The following MITF variants were observed in gnomAD, a reference collection of about 807,000 sequenced individuals.
MITF encodes the protein melanocyte inducing transcription factor, also known as microphthalmia-associated transcription factor.
MITF carries 17 observed loss-of-function variants against 60.5 expected under a neutral mutation model. The ratio of observed to expected loss-of-function variants is 0.28; its 90% CI spans 0.19 to 0.42. MITF has a LOEUF of 0.42. Among genes scored for constraint, MITF ranks in the 10% least tolerant of loss-of-function variants. The pLI, the probability that MITF is intolerant of heterozygous loss-of-function variation, is 1.00. For missense variants in MITF, 622 were observed against 683.5 expected (o/e 0.91, Z 1.00); for synonymous variants, 260 against 248.5 (o/e 1.05, Z -0.43).
At chr3:69,756,981 GT>G (rs539985866) in intron 1 of MITF, among the ~76,000 whole-genome samples, 4 of 151,974 alleles carry the variant, frequency 2.6e-5, no homozygotes, top group Admixed American at 6.6e-5. Flanking sequence ...TGGTGGGGTT[GT>G]TTTTTTTCCT....
intron 1 of MITF, among the ~76,000 whole-genome samples, chr3:69,807,532 A>G (rs1419663620): frequency 3.9e-5 from 6 of 152,236 alleles, no homozygotes; most frequent in Non-Finnish European, 7.3e-5. Context: ...ATGAATGGAA[A>G]TGTAATTTCA....
At chr3:69,913,919 A>G (rs72950058) in intron 2 of MITF, among the ~76,000 whole-genome samples, 1,853 of 152,266 alleles carry the variant, frequency 0.012, 36 homozygotes, top group African/African-American at 0.041. Flanking sequence ...GGATTATGGC[A>G]CTTCAAATGA....
chr3:69,940,938 C>T (rs2065953960), intron 4 of MITF, among the ~76,000 whole-genome samples: 1 of 152,164 alleles, frequency 6.6e-6, no homozygotes, highest in Non-Finnish European at 1.5e-5. Context: ...TGCCATGATA[C>T]GGTTTTCGTT....
intron 1 of MITF, among the ~76,000 whole-genome samples, chr3:69,801,966 A>C (rs1398000877): frequency 6.6e-6 from 1 of 152,172 alleles, no homozygotes; most frequent in Admixed American, 6.5e-5. Flanking sequence ...TAGGCCCTCA[A>C]TAAACATGGG....
intron 2 of MITF, among the ~76,000 whole-genome samples, chr3:69,888,603 T>C (rs1161351790): frequency 6.6e-6 from 1 of 152,070 alleles, no homozygotes; most frequent in Non-Finnish European, 1.5e-5. Context: ...TGTTGGTAAT[T>C]AGTCCTGCCT....
chr3:69,756,293 C>T (rs1704145174), intron 1 of MITF, among the ~76,000 whole-genome samples: 1 of 152,102 alleles, frequency 6.6e-6, no homozygotes, highest in African/African-American at 2.4e-5. Context: ...TGCCCCACAA[C>T]CCCCGACAGG....
chr3:69,796,664 G>A (rs1365351626), intron 1 of MITF, among the ~76,000 whole-genome samples: 10 of 150,654 alleles, frequency 6.6e-5, no homozygotes, highest in African/African-American at 2.2e-4. Flanking sequence ...CCGCCACCGC[G>A]CCCGGCTAAT....
At chr3:69,961,994 G>C (rs2066561847) in intron 9 of MITF, among the ~76,000 whole-genome samples, 1 of 152,226 alleles carries the variant, frequency 6.6e-6, no homozygotes, top group Non-Finnish European at 1.5e-5. Context: ...AAAGCTCTGT[G>C]ATGCAATTAA....
At chr3:69,758,975 AAGTT>A (rs1165227839) in intron 1 of MITF, among the ~76,000 whole-genome samples, 2 of 152,200 alleles carry the variant, frequency 1.3e-5, no homozygotes, top group African/African-American at 4.8e-5. Flanking sequence ...TCTCAATACA[AAGTT>A]AGTAGGGGTG....
At chr3:69,933,134 G>A (rs749915769) in intron 2 of MITF, among the ~76,000 whole-genome samples, 1 of 151,972 alleles carries the variant, frequency 6.6e-6, no homozygotes, top group Non-Finnish European at 1.5e-5. Context: ...TGCCATGATT[G>A]CACTTGTGAA....
chr3:69,833,592 TG>T (rs2063489229), intron 1 of MITF, among the ~76,000 whole-genome samples: 1 of 152,214 alleles, frequency 6.6e-6, no homozygotes, highest in South Asian at 2.1e-4. Flanking sequence ...TCACACTGTA[TG>T]TGGTTGTTTT....
chr3:69,952,165 T>C (rs2066272343), intron 7 of MITF, among the ~76,000 whole-genome samples: 1 of 152,130 alleles, frequency 6.6e-6, no homozygotes, highest in Admixed American at 6.5e-5. Flanking sequence ...TCTCTCTTTT[T>C]GGTAAGAGGG....
At chr3:69,825,093 A>C (rs9862680) in intron 1 of MITF, among the ~76,000 whole-genome samples, 76,265 of 151,930 alleles carry the variant, frequency 0.5, 20,841 homozygotes, top group Non-Finnish European at 0.63. Flanking sequence ...TAAAGTTTCT[A>C]TTTTCAGACA....
At chr3:69,813,382 C>T (rs1575753454) in intron 1 of MITF, among the ~76,000 whole-genome samples, 1 of 152,282 alleles carries the variant, frequency 6.6e-6, no homozygotes, top group Admixed American at 6.5e-5. Flanking sequence ...TTCTCAGTAC[C>T]TTTGGGCATT....
intron 2 of MITF, among the ~76,000 whole-genome samples, chr3:69,903,700 G>C (rs1262815349): frequency 1.3e-5 from 2 of 152,072 alleles, no homozygotes; most frequent in East Asian, 3.9e-4. Context: ...AGACTCACTA[G>C]TCTTTTCCAG....
At chr3:69,848,001 C>G (rs372797307) in intron 1 of MITF, among the ~76,000 whole-genome samples, 1 of 152,184 alleles carries the variant, frequency 6.6e-6, no homozygotes, top group Admixed American at 6.5e-5. Flanking sequence ...TTTTCTATTT[C>G]ATGAAAAAAT....
intron 1 of MITF, among the ~76,000 whole-genome samples, chr3:69,866,725 A>G (rs1302730948): frequency 6.6e-6 from 1 of 152,184 alleles, no homozygotes; most frequent in Non-Finnish European, 1.5e-5. Context: ...TTTGTTATGA[A>G]TAAAACAGGA....
intron 2 of MITF, among the ~76,000 whole-genome samples, chr3:69,883,816 T>C (rs1272738403): frequency 6.6e-6 from 1 of 152,166 alleles, no homozygotes; most frequent in South Asian, 2.1e-4. Context: ...TTTCTTCTTA[T>C]AGCATAGTCC....
intron 2 of MITF, among the ~76,000 whole-genome samples, chr3:69,895,387 G>T (rs2064851250): frequency 1.3e-5 from 2 of 152,058 alleles, no homozygotes; most frequent in African/African-American, 4.8e-5. Flanking sequence ...TGTTAATCCT[G>T]GTTATCACTT....
Sources: allele counts gnomAD v4.1 joint callset (sites outside exome capture counted in the v4.1 genomes callset), GRCh38; gene constraint gnomAD v4.1.1; transcripts MANE v1.5; gene names NCBI Gene and HGNC (gene_info 2026-07-23, HGNC 2026-07-21).